The following ERBB3 variants were observed in gnomAD, a reference collection of about 807,000 sequenced individuals.
ERBB3 encodes erb-b2 receptor tyrosine kinase 3.
A neutral mutation model predicts 156.7 loss-of-function variants in ERBB3; 96 were observed. The ratio of observed to expected loss-of-function variants is 0.61; its 90% confidence interval spans 0.52 to 0.73. The LOEUF (loss-of-function observed/expected upper bound fraction) is 0.73, where lower values mean the gene tolerates loss of function less well. Ranked by LOEUF, ERBB3 falls within the 30% of genes least tolerant of loss-of-function variation. The probability of loss-of-function intolerance (pLI) is 0.00; values close to 1 mark genes in which losing one functional copy is unlikely to be tolerated. For synonymous variants in ERBB3, 567 were observed against 632.0 expected, an observed-to-expected ratio of 0.90 and a Z score of 1.54; for missense variants, 1,406 against 1,709.4, an observed-to-expected ratio of 0.82 and a Z score of 3.13.
chr12:56,087,636 C>T lies in ERBB3; in HGVS notation c.607C>T (p.Gln203Ter). 1 of 1,614,052 alleles carries T rather than the reference C, an allele frequency of 6.2e-7. No individual in the cohort carries two copies. Among genetic ancestry groups the T allele is most frequent in the Non-Finnish European group, 8.5e-7 (1 of 1,179,914 alleles). The stretch of plus-strand genomic sequence containing the variant: ...CTGGGGTCCTGGATCAGAAGACTGC[C>T]AGACATGTGGGTTTGAAATTCCCTC... ...RCWGPGSEDC[Q>*]TLTKTICAPQ... The change falls in exon 5 of 28, where the codon CAG (glutamine) becomes TAG (stop). Residue 203 changes from glutamine to a stop codon, truncating the protein, a stop_gained. Coordinates refer to ENST00000267101, the MANE Select transcript of ERBB3 (RefSeq NM_001982.4). LOFTEE classifies it high-confidence loss of function.
intron 16 of ERBB3, 160 bp from the exon 17 acceptor site, chr12:56,095,505 C>A: frequency 1.0e-6 from 1 of 964,616 alleles, no homozygotes; most frequent in Non-Finnish European, 1.6e-6. Context: ...TAGTCTAAGA[C>A]TGGTCCAGAT....
chr12:56,096,212 A>G (rs1200752706), intron 17 of ERBB3: 4 of 535,476 alleles, frequency 7.5e-6, no homozygotes, highest in Non-Finnish European at 1.3e-5. Flanking sequence ...AAAGGTACTC[A>G]AGGTGGTAAT....
chr12:56,080,992 C>T (rs1472098716), intron 1 of ERBB3, among the ~76,000 whole-genome samples: 1 of 152,162 alleles, frequency 6.6e-6, no homozygotes, highest in African/African-American at 2.4e-5. Flanking sequence ...GCTGGCGCCC[C>T]CTTTCCTCAG....
Position 56,084,921 on chromosome 12 carries a change from C to T in ERBB3, c.235-74C>T, listed in dbSNP as rs764678865. The T allele has an allele frequency of 5.0e-6, 8 of 1,608,064 alleles. 1 individual carries two copies. Among genetic ancestry groups the T allele is most frequent in the Non-Finnish European group, 6.8e-6 (8 of 1,177,428 alleles). Reference sequence around the variant, plus strand: ...TAAAACAGTTAAAGAGTCTTTAATGCCTGAAGGAGGAGAGGAGATTGAGAT... The same window carrying T: ...TAAAACAGTTAAAGAGTCTTTAATGTCTGAAGGAGGAGAGGAGATTGAGAT... On this transcript the variant is annotated intron_variant, in intron 2 of 27. Transcript: ENST00000267101.
At chr12:56,093,160 G>C in intron 11 of ERBB3, 84 bp downstream of exon 11, 1 of 1,230,582 alleles carries the variant, frequency 8.1e-7, no homozygotes, top group Non-Finnish European at 1.2e-6. Flanking sequence ...ACAAGGCACT[G>C]TCTCATACAG....
At chr12:56,096,644 T>C (rs1418299633) in intron 18 of ERBB3, 22 bp downstream of exon 18, 2 of 1,614,186 alleles carry the variant, frequency 1.2e-6, no homozygotes, top group Non-Finnish European at 8.5e-7. Flanking sequence ...ATAGGAATTC[T>C]GGAGAGGTGG....
In ERBB3 at chr12:56,100,253, CT is replaced by C. The variant is rs1474342631; in HGVS notation, c.3201+9del. ...CTTGGGGAGTCTTGCCAGGTAAGTTCTGTTGCTGAGAGGCTGGGTTTTAGGA... is the reference window on the plus strand; with the variant it reads ...CTTGGGGAGTCTTGCCAGGTAAGTTCGTTGCTGAGAGGCTGGGTTTTAGGA... On this transcript the variant is annotated intron_variant, in intron 26 of 27. Transcript: ENST00000267101. The C allele has an allele frequency of 6.2e-7, 1 of 1,609,148 alleles. No homozygotes were observed. Among genetic ancestry groups the C allele is most frequent in the African/African-American group, 1.3e-5 (1 of 74,908 alleles).
intron 9 of ERBB3, among the ~76,000 whole-genome samples, chr12:56,091,302 T>TATATATA (rs1868687522): frequency 9.3e-5 from 8 of 85,784 alleles, no homozygotes; most frequent in Non-Finnish European, 1.6e-4. Flanking sequence ...ATATAAATAA[T>TATATATA]ATATATAAAT....
At position 56,101,292 on chromosome 12, in the gene ERBB3, C is replaced by G. The variant is rs776675136; in HGVS notation, c.3433C>G (p.Pro1145Ala). Residue 1145 changes from proline to alanine, a missense_variant, in exon 27 of 28, where the codon CCA becomes GCA. Coordinates refer to ENST00000267101, the MANE Select transcript of ERBB3 (RefSeq NM_001982.4). ...QRHSLLTPVTPLSPPGLEEED... is the reference protein window; with the variant it reads ...QRHSLLTPVTALSPPGLEEED... ...CCACAGTCTGCTGACTCCTGTTACC[C>G]CACTCTCCCCACCCGGGTTAGAGGA... is the stretch of plus-strand genomic sequence containing the variant. 19 of 1,614,034 alleles carry G rather than the reference C, an allele frequency of 1.2e-5. No homozygotes were observed. The Admixed American group carries it at 1.7e-4, about 14-fold the overall frequency.
chr12:56,090,349 T>G (rs893121797), intron 9 of ERBB3, among the ~76,000 whole-genome samples: 1 of 151,750 alleles, frequency 6.6e-6, no homozygotes, highest in Non-Finnish European at 1.5e-5. Flanking sequence ...ATACCACATA[T>G]GGCCGGGCAC....
chr12:56,088,948 T>C lies in ERBB3; in HGVS notation c.1109+80T>C, dbSNP rs765061604. 48 of 1,563,028 alleles carry C rather than the reference T, an allele frequency of 3.1e-5. 2 individuals carry two copies. In the South Asian group the frequency reaches 5.4e-4, roughly 17 times the overall value. The stretch of plus-strand genomic sequence containing the variant: ...CATTTCATTGGCCAAAACTTTCCTA[T>C]GTGGAGCTGACTAGGAATCAAAGTC... On this transcript the variant is annotated intron_variant, in intron 9 of 27. Transcript: ENST00000267101.
chr12:56,088,740 A>C lies in ERBB3; in HGVS notation c.989-8A>C, dbSNP rs2136798119. On this transcript the variant is annotated splice_region_variant and splice_polypyrimidine_tract_variant and intron_variant, in intron 8 of 27. Coordinates refer to ENST00000267101, the MANE Select transcript of ERBB3 (RefSeq NM_001982.4). ...ACCACCCCCACTGAACCTCTCTTAC[A>C]TTTGCAGCCTGTGAGGGAACAGGCT... 1 of 1,614,090 alleles carries C rather than the reference A, an allele frequency of 6.2e-7. No homozygotes were observed. The highest frequency in any genetic ancestry group is 1.1e-5 in the South Asian group (1 of 91,066).
chr12:56,080,509 G>A (rs886566610), intron 1 of ERBB3, 127 bp downstream of exon 1: 27 of 745,924 alleles, frequency 3.6e-5, no homozygotes, highest in Middle Eastern at 7.6e-4. Context: ...GGTTTGCCAG[G>A]ACCACCTGGG....
chr12:56,096,309 T>C (rs1868886546), intron 17 of ERBB3, 194 bp from the exon 18 acceptor site: 2 of 665,458 alleles, frequency 3.0e-6, no homozygotes, highest in South Asian at 1.8e-5. Flanking sequence ...ATTCCTGATC[T>C]CATGAGCACA....
chr12:56,093,651 G>T, intron 12 of ERBB3, 101 bp downstream of exon 12: 1 of 1,564,368 alleles, frequency 6.4e-7, no homozygotes. Flanking sequence ...TTGAGGGATG[G>T]AACCAAGGAG....
Position 56,102,616 on chromosome 12 carries a change from T to G in ERBB3, c.*561T>G, listed in dbSNP as rs762190552. On this transcript the variant is annotated 3_prime_UTR_variant, in exon 28 of 28. Transcript: ENST00000267101. ...ATCATACTAAACTTCACCTACATTA[T>G]CTCACTTAGTCCTTTATCATCCTTA... 121 of 234,204 alleles carry G rather than the reference T, an allele frequency of 5.2e-4. 1 individual carries two copies. Among genetic ancestry groups the G allele is most frequent in the Non-Finnish European group, 8.5e-4 (101 of 118,882 alleles). 14.5% of individuals were successfully genotyped at this position (234,204 alleles called of 1,614,324 possible).
At chr12:56,099,323 A>C (rs1041455455) in intron 23 of ERBB3, among the ~76,000 whole-genome samples, 1 of 149,532 alleles carries the variant, frequency 6.7e-6, no homozygotes, top group Non-Finnish European at 1.5e-5. Context: ...TTTTTTATGG[A>C]GTCTCGCTCT....
intron 16 of ERBB3, 29 bp from the exon 17 acceptor site, chr12:56,095,636 A>G: frequency 6.2e-7 from 1 of 1,613,834 alleles, no homozygotes; most frequent in Non-Finnish European, 8.5e-7. Flanking sequence ...CAAACCCAGG[A>G]TAATGTTGGG....
At chr12:56,090,680 C>A (rs903752061) in intron 9 of ERBB3, among the ~76,000 whole-genome samples, 4 of 151,366 alleles carry the variant, frequency 2.6e-5, no homozygotes, top group African/African-American at 9.7e-5. Flanking sequence ...TATCACTTCT[C>A]TCTCTCTCTG....
Sources: allele counts gnomAD v4.1 joint callset (sites outside exome capture counted in the v4.1 genomes callset), GRCh38; gene constraint gnomAD v4.1.1; transcripts MANE v1.5; gene names NCBI Gene and HGNC (gene_info 2026-07-23, HGNC 2026-07-21).